HPSE2: variants seen among roughly 807,000 people sequenced by gnomAD.
The protein encoded by HPSE2 is inactive heparanase-2.
In HPSE2, 38 loss-of-function variants were observed where a neutral mutation model predicts 60.5. That is an observed-to-expected ratio of 0.63 (90% CI 0.48 to 0.82). HPSE2 has a LOEUF of 0.82. HPSE2 is among the 40% of genes least tolerant of loss of function. The pLI is 0.00. For missense variants in HPSE2, 713 were observed against 740.4 expected (o/e 0.96, Z 0.43); for synonymous variants, 295 against 293.2 (o/e 1.01, Z -0.06).
chr10:98,511,555 GGTGTGTGTGTGTGTGTGTGT>G (rs6144045), intron 9 of HPSE2, among the ~76,000 whole-genome samples: 14 of 140,842 alleles, frequency 9.9e-5, no homozygotes, highest in African/African-American at 1.8e-4. Flanking sequence ...ACATAACTAT[GGTGTGTGTGTGTGTGTGTGT>G]GTGTGTGTGT....
chr10:98,667,795 C>T (rs1265638270), intron 6 of HPSE2, among the ~76,000 whole-genome samples: 1 of 152,072 alleles, frequency 6.6e-6, no homozygotes, highest in Non-Finnish European at 1.5e-5. Context: ...TAATAAAAGC[C>T]ATCTATGACA....
chr10:98,840,173 T>C (rs559865195), intron 3 of HPSE2, among the ~76,000 whole-genome samples: 44 of 152,266 alleles, frequency 2.9e-4, no homozygotes, highest in Non-Finnish European at 4.9e-4. Context: ...TGAGTATCAG[T>C]ATGGGGCAGA....
intron 2 of HPSE2, among the ~76,000 whole-genome samples, chr10:99,180,663 T>C (rs1847723969): frequency 6.6e-6 from 1 of 151,796 alleles, no homozygotes; most frequent in South Asian, 2.1e-4. Flanking sequence ...GGTGGGTGGA[T>C]TGCCTGAGCT....
In HPSE2 at chr10:98,957,865, A is replaced by G. The variant is rs571207948; in HGVS notation, c.610+186373T>C. On this transcript the variant is annotated intron_variant, in intron 3 of 11. Coordinates refer to ENST00000370552, the MANE Select transcript of HPSE2 (RefSeq NM_021828.5). ...ATTTCATTCTTGGCTTCCAAGAAAA[A>G]TATCCAGAAAAGGCTCTCTTAACCT... Among the ~76,000 whole-genome samples, 9 of 152,330 alleles carry G rather than the reference A, an allele frequency of 5.9e-5. No individual in the cohort carries two copies. In the South Asian group the frequency reaches 1.9e-3, roughly 32 times the overall value.
Position 99,069,632 on chromosome 10 carries a change from T to C in HPSE2, c.610+74606A>G, listed in dbSNP as rs571647108. Among the ~76,000 whole-genome samples the C allele has an allele frequency of 6.6e-5, 10 of 151,406 alleles. No homozygotes were observed. In the South Asian group the frequency reaches 1.9e-3, roughly 29 times the overall value. ...TACAGTTAGAGCTATACAGTACTAA[T>C]ACTCAATCTTCTTCACAGTTGTGAG... On this transcript the variant is annotated intron_variant, in intron 3 of 11. Transcript: ENST00000370552.
At chr10:99,117,081 G>T (rs978082669) in intron 3 of HPSE2, among the ~76,000 whole-genome samples, 5 of 151,830 alleles carry the variant, frequency 3.3e-5, no homozygotes, top group Admixed American at 3.3e-4. Context: ...AAAAGCCAGA[G>T]AATACCTTTT....
intron 9 of HPSE2, among the ~76,000 whole-genome samples, chr10:98,585,224 C>T (rs1217328983): frequency 1.3e-5 from 2 of 151,446 alleles, no homozygotes; most frequent in Non-Finnish European, 1.5e-5. Context: ...AGAAAGGTAC[C>T]AAGTTCTACC....
intron 6 of HPSE2, among the ~76,000 whole-genome samples, chr10:98,669,004 T>A (rs1947440747): frequency 6.6e-6 from 1 of 152,218 alleles, no homozygotes; most frequent in Non-Finnish European, 1.5e-5. Flanking sequence ...AATAAAGGTC[T>A]ACTATCCAGA....
At chr10:99,169,260 C>T (rs1847209422) in intron 2 of HPSE2, among the ~76,000 whole-genome samples, 1 of 148,078 alleles carries the variant, frequency 6.8e-6, no homozygotes, top group African/African-American at 2.5e-5. Context: ...AATCCCAGCA[C>T]TTTAGGAGAC....
chr10:99,199,020 TG>T (rs1480378320), intron 2 of HPSE2, among the ~76,000 whole-genome samples: 1 of 152,202 alleles, frequency 6.6e-6, no homozygotes, highest in African/African-American at 2.4e-5. Flanking sequence ...ATGACAAAAC[TG>T]CTTTCTTTTT....
chr10:98,663,772 C>T (rs1383829498), intron 6 of HPSE2, among the ~76,000 whole-genome samples: 1 of 152,146 alleles, frequency 6.6e-6, no homozygotes, highest in African/African-American at 2.4e-5. Flanking sequence ...CCACTCAAGA[C>T]CACGGGGAGC....
At chr10:98,843,433 T>C (rs1951965169) in intron 3 of HPSE2, among the ~76,000 whole-genome samples, 1 of 152,204 alleles carries the variant, frequency 6.6e-6, no homozygotes, top group Non-Finnish European at 1.5e-5. Context: ...CAATATATTA[T>C]TGCAAAATTG....
At chr10:99,036,962 G>A (rs75477508) in intron 3 of HPSE2, among the ~76,000 whole-genome samples, 7 of 152,046 alleles carry the variant, frequency 4.6e-5, no homozygotes, top group Non-Finnish European at 1.5e-5. Context: ...GGCAAACACC[G>A]CAGTAACTAA....
intron 5 of HPSE2, among the ~76,000 whole-genome samples, chr10:98,716,140 G>A (rs573437714): frequency 3.9e-5 from 6 of 151,952 alleles, no homozygotes; most frequent in Admixed American, 2.6e-4. Flanking sequence ...GCTCATTTAT[G>A]AGCAACTCAT....
chr10:98,858,717 T>G (rs2134766594), intron 3 of HPSE2, among the ~76,000 whole-genome samples: 1 of 152,320 alleles, frequency 6.6e-6, no homozygotes. Context: ...GACGATGTGG[T>G]TGTGGATAAG....
chr10:99,021,998 C>T (rs1051752829), intron 3 of HPSE2, among the ~76,000 whole-genome samples: 4 of 150,252 alleles, frequency 2.7e-5, no homozygotes, highest in African/African-American at 4.9e-5. Context: ...CCCATTAACT[C>T]GTCATTTACA....
intron 4 of HPSE2, among the ~76,000 whole-genome samples, chr10:98,725,893 C>T (rs926348648): frequency 9.2e-5 from 14 of 152,144 alleles, no homozygotes; most frequent in African/African-American, 2.4e-4. Context: ...AAATGCTCAC[C>T]ATCACTGGCC....
chr10:98,810,565 T>C (rs1951146039), intron 3 of HPSE2, among the ~76,000 whole-genome samples: 1 of 152,122 alleles, frequency 6.6e-6, no homozygotes, highest in Non-Finnish European at 1.5e-5. Flanking sequence ...TACTGAAGTA[T>C]GAGCTTCATT....
intron 7 of HPSE2, among the ~76,000 whole-genome samples, chr10:98,627,168 C>G (rs765894570): frequency 3.0e-4 from 46 of 152,166 alleles, no homozygotes; most frequent in Admixed American, 9.8e-4. Context: ...ACTGTGTCTA[C>G]AAGACCCTTC....
Sources: gnomAD v4.1 joint callset for allele counts (sites outside exome capture counted in the v4.1 genomes callset) on GRCh38, gnomAD v4.1.1 for gene constraint, MANE v1.5 for transcripts, NCBI Gene and HGNC (gene_info 2026-07-23, HGNC 2026-07-21) for gene names.